Variants in SESN1 observed in about 807,000 individuals in gnomAD.
SESN1 encodes the protein sestrin 1, also known as sestrin-1.
A neutral mutation model predicts 59.3 loss-of-function variants in SESN1; 30 were observed. The observed-to-expected ratio is 0.51, with a 90% CI of 0.38 to 0.69. SESN1 has a LOEUF of 0.69. Ranked by LOEUF, SESN1 falls within the 30% of genes least tolerant of loss-of-function variation. The pLI is 0.00. For synonymous variants in SESN1, 197 were observed against 219.9 expected (o/e 0.90, Z 0.92); for missense variants, 566 against 673.0 (o/e 0.84, Z 1.76).
At chr6:109,054,044 T>C (rs905005627) in intron 1 of SESN1, among the ~76,000 whole-genome samples, 1 of 152,150 alleles carries the variant, frequency 6.6e-6, no homozygotes, top group African/African-American at 2.4e-5. Context: ...ATTTTTAATA[T>C]TGTTGGCAAG....
rs184684726 is a variant in SESN1, at chr6:109,075,879, G to T, written c.279+17916C>A. 7.2e-5 allele frequency among the ~76,000 whole-genome samples: 11 copies of T among 152,280 alleles called. No homozygotes were observed. In the East Asian group the frequency reaches 1.7e-3, roughly 24 times the overall value. The stretch of plus-strand genomic sequence containing the variant: ...AACACCCCCTCCCCGACCCCAGAGG[G>T]AATGACTCTGAGGGTCTTTTTCCTC... On this transcript the variant is annotated intron_variant, in intron 1 of 9. Transcript: ENST00000436639.
intron 1 of SESN1, among the ~76,000 whole-genome samples, chr6:109,049,565 G>A (rs1780509868): frequency 6.6e-6 from 1 of 152,020 alleles, no homozygotes; most frequent in South Asian, 2.1e-4. Flanking sequence ...TAACTGTTTA[G>A]ATGACGGATT....
Position 109,034,514 on chromosome 6 carries a change from T to C in SESN1, c.280-32171A>G, listed in dbSNP as rs76234733. Among the ~76,000 whole-genome samples, 1,192 of 152,332 alleles carry C rather than the reference T, an allele frequency of 7.8e-3. 21 individuals are homozygous for C. Among genetic ancestry groups the C allele is most frequent in the African/African-American group, 0.028 (1,146 of 41,574 alleles). On this transcript the variant is annotated intron_variant, in intron 1 of 9. Coordinates refer to ENST00000436639, the MANE Select transcript of SESN1 (RefSeq NM_014454.3). Reference sequence around the variant, plus strand: ...TTTACTGATCAGCATCGTAGAAATGTGTAGTTTCCCTAGCATCTATTCTCT... The same window carrying C: ...TTTACTGATCAGCATCGTAGAAATGCGTAGTTTCCCTAGCATCTATTCTCT...
chr6:109,054,090 G>C (rs976053022), intron 1 of SESN1, among the ~76,000 whole-genome samples: 20 of 151,842 alleles, frequency 1.3e-4, no homozygotes, highest in African/African-American at 4.6e-4. Context: ...TTTTTGGGGG[G>C]GGAGGGATCT....
At chr6:109,022,700 C>G (rs956184516) in intron 1 of SESN1, among the ~76,000 whole-genome samples, 16 of 152,008 alleles carry the variant, frequency 1.1e-4, no homozygotes, top group African/African-American at 3.4e-4. Flanking sequence ...AGACATGAAA[C>G]ACCATGCCTG....
chr6:109,082,385 A>C (rs1391818367), intron 1 of SESN1, among the ~76,000 whole-genome samples: 6 of 152,046 alleles, frequency 3.9e-5, no homozygotes, highest in Admixed American at 3.9e-4. Flanking sequence ...ATTGCTCATA[A>C]CTCTGTAAGG....
At chr6:109,071,924 A>G (rs916355516) in intron 1 of SESN1, among the ~76,000 whole-genome samples, 3 of 152,226 alleles carry the variant, frequency 2.0e-5, no homozygotes, top group Non-Finnish European at 2.9e-5. Flanking sequence ...TTAAGATCAC[A>G]ATCTCTTTGA....
intron 1 of SESN1, among the ~76,000 whole-genome samples, chr6:109,063,478 G>C (rs1362503467): frequency 6.6e-6 from 1 of 152,144 alleles, no homozygotes; most frequent in Non-Finnish European, 1.5e-5. Context: ...AATGTTCATG[G>C]AGACAGAGCA....
intron 1 of SESN1, among the ~76,000 whole-genome samples, chr6:109,066,922 G>A (rs1780837878): frequency 6.6e-6 from 1 of 152,194 alleles, no homozygotes. Flanking sequence ...GAAACTCTCA[G>A]ATCTGGAGGA....
intron 1 of SESN1, among the ~76,000 whole-genome samples, chr6:109,080,003 C>T (rs1313320301): frequency 7.9e-5 from 12 of 151,980 alleles, no homozygotes; most frequent in South Asian, 2.1e-4. Flanking sequence ...AATGCAAAAC[C>T]GTATTTTGGG....
chr6:109,075,796 A>G (rs1006349484), intron 1 of SESN1, among the ~76,000 whole-genome samples: 7 of 152,216 alleles, frequency 4.6e-5, no homozygotes, highest in Non-Finnish European at 1.0e-4. Context: ...TTAAACTACC[A>G]AATTTGTAAT....
intron 1 of SESN1, among the ~76,000 whole-genome samples, chr6:109,027,785 A>G (rs1017002113): frequency 6.6e-6 from 1 of 152,052 alleles, no homozygotes; most frequent in East Asian, 1.9e-4. Context: ...GCAATATCTC[A>G]TTGTGATTTT....
intron 1 of SESN1, among the ~76,000 whole-genome samples, chr6:109,018,438 G>T (rs1431586982): frequency 6.6e-6 from 1 of 152,170 alleles, no homozygotes; most frequent in Non-Finnish European, 1.5e-5. Context: ...ATCAGCTGAA[G>T]TAAAACTATA....
chr6:109,027,962 C>T (rs1780121845), intron 1 of SESN1, among the ~76,000 whole-genome samples: 1 of 152,016 alleles, frequency 6.6e-6, no homozygotes, highest in African/African-American at 2.4e-5. Flanking sequence ...ATTTTGAATA[C>T]AAGTACTTTG....
intron 1 of SESN1, among the ~76,000 whole-genome samples, chr6:109,052,465 CTCTT>C (rs1325871334): frequency 3.9e-5 from 6 of 152,238 alleles, no homozygotes; most frequent in Middle Eastern, 3.4e-3. Flanking sequence ...ACTTTCAGTT[CTCTT>C]TCTTATGTAT....
chr6:108,996,670 A>AT (rs934376421), intron 5 of SESN1, among the ~76,000 whole-genome samples: 2 of 152,140 alleles, frequency 1.3e-5, no homozygotes, highest in African/African-American at 4.8e-5. Flanking sequence ...TAATATTAAA[A>AT]TGTTAAAATT....
chr6:109,012,834 G>T (rs187450939), intron 1 of SESN1, among the ~76,000 whole-genome samples: 8 of 152,256 alleles, frequency 5.3e-5, no homozygotes, highest in African/African-American at 1.7e-4. Flanking sequence ...TAAGCAGTAG[G>T]CCGGGCGTGG....
At chr6:109,022,992 T>C (rs1030291908) in intron 1 of SESN1, among the ~76,000 whole-genome samples, 1 of 152,324 alleles carries the variant, frequency 6.6e-6, no homozygotes, top group South Asian at 2.1e-4. Context: ...TCTTCTCCTG[T>C]CTTCCCCTGC....
At chr6:109,029,035 C>G (rs1279415868) in intron 1 of SESN1, among the ~76,000 whole-genome samples, 4 of 152,198 alleles carry the variant, frequency 2.6e-5, no homozygotes, top group East Asian at 3.9e-4. Flanking sequence ...TAGCTTCATG[C>G]CTACTCTGAA....
Sources: gnomAD v4.1 joint callset for allele counts (sites outside exome capture counted in the v4.1 genomes callset) on GRCh38, gnomAD v4.1.1 for gene constraint, MANE v1.5 for transcripts, NCBI Gene and HGNC (gene_info 2026-07-23, HGNC 2026-07-21) for gene names.